The following PRIM2 variants were observed in gnomAD, a reference collection of about 807,000 sequenced individuals.
PRIM2 encodes DNA primase subunit 2.
PRIM2 carries 39 observed loss-of-function variants against 67.3 expected under a neutral mutation model. The observed-to-expected ratio is 0.58, with a 90% CI of 0.45 to 0.76. The LOEUF is 0.76. PRIM2 is among the 30% of genes least tolerant of loss of function. The probability of loss-of-function intolerance (pLI) is 0.00; values close to 1 mark genes in which losing one functional copy is unlikely to be tolerated. For synonymous variants in PRIM2, 143 were observed against 198.7 expected (o/e 0.72, Z 2.36); for missense variants, 398 against 598.7 (o/e 0.66, Z 3.50).
intron 7 of PRIM2, among the ~76,000 whole-genome samples, chr6:57,452,483 G>C (rs1772589862): frequency 6.6e-6 from 1 of 152,182 alleles, no homozygotes; most frequent in African/African-American, 2.4e-5. Flanking sequence ...ATTCTAACTG[G>C]TGTGAGATGG....
At chr6:57,475,769 C>G (rs1212105335) in intron 7 of PRIM2, among the ~76,000 whole-genome samples, 1 of 152,134 alleles carries the variant, frequency 6.6e-6, no homozygotes, top group East Asian at 1.9e-4. Context: ...GCACATTTAT[C>G]ACATTTTTAT....
chr6:57,395,915 A>G (rs569056058), intron 7 of PRIM2, among the ~76,000 whole-genome samples: 9 of 152,178 alleles, frequency 5.9e-5, no homozygotes, highest in African/African-American at 1.9e-4. Flanking sequence ...TTTTGACCCA[A>G]TGCTCATTCA....
At chr6:57,236,815 T>C in the PRIM2 span, among the ~76,000 whole-genome samples, 1 of 152,220 alleles carries the variant, frequency 6.6e-6, no homozygotes, top group Non-Finnish European at 1.5e-5. Context: ...CAGTCTATCA[T>C]TGATGGACAT....
At chr6:57,612,320 A>C (rs1776682289) in intron 12 of PRIM2, among the ~76,000 whole-genome samples, 1 of 152,240 alleles carries the variant, frequency 6.6e-6, no homozygotes, top group African/African-American at 2.4e-5. Context: ...GATAATTGCC[A>C]AAAACTAGAA....
intron 13 of PRIM2, among the ~76,000 whole-genome samples, chr6:57,643,337 G>C (rs1431260280): frequency 1.3e-5 from 2 of 152,136 alleles, no homozygotes; most frequent in African/African-American, 4.8e-5. Flanking sequence ...ATCATTATCA[G>C]TATGATTTTG....
At chr6:57,408,949 G>A (rs1173455458) in intron 7 of PRIM2, among the ~76,000 whole-genome samples, 1 of 151,974 alleles carries the variant, frequency 6.6e-6, no homozygotes, top group Non-Finnish European at 1.5e-5. Context: ...TCCCATCTCA[G>A]CCTCATCTAT....
At chr6:57,339,435 A>G (rs949894442) in intron 5 of PRIM2, among the ~76,000 whole-genome samples, 16 of 152,138 alleles carry the variant, frequency 1.1e-4, no homozygotes, top group African/African-American at 2.2e-4. Context: ...TGGAGGCAGC[A>G]CACTACCTGA....
the PRIM2 span, among the ~76,000 whole-genome samples, chr6:57,300,239 T>C: frequency 6.6e-6 from 1 of 152,232 alleles, no homozygotes; most frequent in African/African-American, 2.4e-5. Context: ...TATAGTTGCA[T>C]CTGCACCTTA....
At chr6:57,320,615 G>A in intron 3 of PRIM2, 55 bp downstream of exon 3, 2 of 1,073,074 alleles carry the variant, frequency 1.9e-6, no homozygotes, top group South Asian at 2.9e-5. Flanking sequence ...TATGTATTGA[G>A]TGTCACTTGT....
intron 7 of PRIM2, among the ~76,000 whole-genome samples, chr6:57,475,459 T>C (rs1377560675): frequency 6.6e-6 from 1 of 152,360 alleles, no homozygotes; most frequent in East Asian, 1.9e-4. Flanking sequence ...GAATCATATG[T>C]GGTCTGTTGT....
At chr6:57,429,261 G>A (rs555484437) in intron 7 of PRIM2, among the ~76,000 whole-genome samples, 1 of 152,328 alleles carries the variant, frequency 6.6e-6, no homozygotes, top group East Asian at 1.9e-4. Context: ...CAAGGAGCAG[G>A]GTGGGAGTCA....
intron 7 of PRIM2, among the ~76,000 whole-genome samples, chr6:57,474,097 T>C (rs2127402855): frequency 6.6e-6 from 1 of 151,444 alleles, no homozygotes; most frequent in Non-Finnish European, 1.5e-5. Flanking sequence ...AAGTATAGAC[T>C]AATCTTCCAA....
chr6:57,328,332 A>T (rs1183587842), intron 5 of PRIM2, among the ~76,000 whole-genome samples: 1 of 152,116 alleles, frequency 6.6e-6, no homozygotes, highest in South Asian at 2.1e-4. Context: ...GAAACCTCTT[A>T]CCCATTTATG....
chr6:57,281,025 G>A, the PRIM2 span, among the ~76,000 whole-genome samples: 4 of 152,158 alleles, frequency 2.6e-5, no homozygotes, highest in African/African-American at 9.6e-5. Flanking sequence ...CTGCATATGA[G>A]TGAGAACATG....
At chr6:57,347,158 G>T (rs1330618820) in intron 5 of PRIM2, among the ~76,000 whole-genome samples, 1 of 152,104 alleles carries the variant, frequency 6.6e-6, no homozygotes, top group Non-Finnish European at 1.5e-5. Flanking sequence ...CTGTTATCTT[G>T]GAGCTTAATA....
intron 8 of PRIM2, among the ~76,000 whole-genome samples, chr6:57,510,314 T>C (rs1165836540): frequency 6.6e-6 from 1 of 152,200 alleles, no homozygotes; most frequent in Non-Finnish European, 1.5e-5. Context: ...ATAAAGTTTT[T>C]ATAATTTATA....
the PRIM2 span, among the ~76,000 whole-genome samples, chr6:57,240,105 T>TG: frequency 1.7e-3 from 243 of 145,628 alleles, 1 homozygote; most frequent in Middle Eastern, 0.011. Context: ...TTTTTTTTTT[T>TG]TTTTTTTTTT....
At chr6:57,410,686 A>G (rs1435996183) in intron 7 of PRIM2, among the ~76,000 whole-genome samples, 14 of 152,050 alleles carry the variant, frequency 9.2e-5, no homozygotes, top group Admixed American at 4.6e-4. Context: ...CTGTGAATAT[A>G]GTTTTATTTT....
intron 7 of PRIM2, among the ~76,000 whole-genome samples, chr6:57,455,610 C>A (rs1456933689): frequency 6.6e-6 from 1 of 152,042 alleles, no homozygotes. Context: ...GACTGCAACC[C>A]CTGCCTTTTT....
Sources: allele counts gnomAD v4.1 joint callset (sites outside exome capture counted in the v4.1 genomes callset), GRCh38; gene constraint gnomAD v4.1.1; transcripts MANE v1.5; gene names NCBI Gene and HGNC (gene_info 2026-07-23, HGNC 2026-07-21).